Variants in SNX29 observed in about 807,000 individuals in gnomAD.
The protein encoded by SNX29 is sorting nexin 29, also known as sorting nexin-29.
In SNX29, 78 loss-of-function variants were observed where a neutral mutation model predicts 102.1. The ratio of observed to expected loss-of-function variants is 0.76; its 90% CI spans 0.64 to 0.92. The LOEUF (loss-of-function observed/expected upper bound fraction) is 0.92. SNX29 is among the 40% of genes least tolerant of loss of function. SNX29 has a pLI of 0.00. For synonymous variants in SNX29, 580 were observed against 414.5 expected, an observed-to-expected ratio of 1.40 and a Z score of -4.85; for missense variants, 1,280 against 1,061.7, an observed-to-expected ratio of 1.21 and a Z score of -2.86.
chr16:12,345,776 G>A (rs943531387), intron 15 of SNX29, among the ~76,000 whole-genome samples: 6 of 152,104 alleles, frequency 3.9e-5, no homozygotes, highest in Non-Finnish European at 7.3e-5. Context: ...CATCCATGTC[G>A]GTCCTTCTCT....
chr16:12,204,553 TTTAA>T (rs2076998673), intron 14 of SNX29, among the ~76,000 whole-genome samples: 1 of 152,170 alleles, frequency 6.6e-6, no homozygotes, highest in African/African-American at 2.4e-5. Flanking sequence ...GGCATCCCCA[TTTAA>T]TTAATCTGCA....
At chr16:12,566,441 T>C (rs996321376) in intron 20 of SNX29, among the ~76,000 whole-genome samples, 3 of 152,114 alleles carry the variant, frequency 2.0e-5, no homozygotes, top group African/African-American at 7.2e-5. Flanking sequence ...CCCCAAGCTC[T>C]GGTCATTGCA....
At chr16:12,211,551 A>G (rs1236478149) in intron 14 of SNX29, among the ~76,000 whole-genome samples, 3 of 152,070 alleles carry the variant, frequency 2.0e-5, no homozygotes, top group Non-Finnish European at 2.9e-5. Context: ...AAAGTGGACC[A>G]ATAGGGGTGT....
intron 20 of SNX29, among the ~76,000 whole-genome samples, chr16:12,559,906 G>A (rs1369627547): frequency 1.3e-5 from 2 of 152,190 alleles, no homozygotes; most frequent in African/African-American, 4.8e-5. Context: ...ATGAATGCAG[G>A]AGGTGGAGCT....
At position 12,573,219 on chromosome 16, in the gene SNX29, A is replaced by C. The variant is rs10609; in HGVS notation, c.*4590A>C. Reference sequence around the variant, plus strand: ...CGGCTCTAGGCAGACCGGATCCCGCAGTTCATCCCATGGTTGTTGAAATGT... The same window carrying C: ...CGGCTCTAGGCAGACCGGATCCCGCCGTTCATCCCATGGTTGTTGAAATGT... On this transcript the variant is annotated 3_prime_UTR_variant, in exon 21 of 21. Transcript: ENST00000566228. The C allele has an allele frequency of 4.4e-6, 1 of 226,278 alleles. No individual in the cohort carries two copies. Among genetic ancestry groups the C allele is most frequent in the African/African-American group, 2.2e-5 (1 of 44,926 alleles). 14.0% of individuals were successfully genotyped at this position (226,278 alleles called of 1,614,324 possible). A position where few individuals can be genotyped will look rare whatever the true frequency, so the allele number is the denominator to read the frequency against.
At chr16:12,243,817 C>T (rs1023013748) in intron 14 of SNX29, among the ~76,000 whole-genome samples, 2 of 152,196 alleles carry the variant, frequency 1.3e-5, no homozygotes, top group African/African-American at 2.4e-5. Context: ...CCTGGTGCAC[C>T]TGCATCAGAG....
intron 13 of SNX29, among the ~76,000 whole-genome samples, chr16:12,156,288 C>T (rs906575294): frequency 6.6e-6 from 1 of 152,238 alleles, no homozygotes; most frequent in Non-Finnish European, 1.5e-5. Flanking sequence ...ATTCTCCTGC[C>T]TCAGTCTCCT....
At chr16:12,087,940 G>A (rs1471118020) in intron 11 of SNX29, 2 of 456,798 alleles carry the variant, frequency 4.4e-6, no homozygotes, top group Non-Finnish European at 4.4e-6. Flanking sequence ...ATACGCTTTT[G>A]AAGGAGGACC....
chr16:11,980,672 C>G (rs371160303), intron 1 of SNX29, among the ~76,000 whole-genome samples: 2 of 152,168 alleles, frequency 1.3e-5, no homozygotes, highest in South Asian at 2.1e-4. Flanking sequence ...CCCCAAGAGT[C>G]TTTTTAATCA....
At chr16:12,039,306 G>C (rs1245960927) in intron 4 of SNX29, among the ~76,000 whole-genome samples, 16 of 152,106 alleles carry the variant, frequency 1.1e-4, no homozygotes, top group Admixed American at 9.8e-4. Context: ...CTGCACTTTT[G>C]TGTTGATTTT....
intron 11 of SNX29, among the ~76,000 whole-genome samples, chr16:12,114,464 G>T (rs188640042): frequency 6.6e-6 from 1 of 152,122 alleles, no homozygotes; most frequent in African/African-American, 2.4e-5. Context: ...TGAAGCCCTG[G>T]CCTCCTCATT....
At chr16:12,088,257 A>G in intron 11 of SNX29, 1 of 388,986 alleles carries the variant, frequency 2.6e-6, no homozygotes, top group Non-Finnish European at 5.2e-6. Flanking sequence ...CTGCAGCGGG[A>G]CCGGCTCTGC....
At chr16:12,287,754 G>C (rs139734489) in intron 15 of SNX29, among the ~76,000 whole-genome samples, 87 of 152,312 alleles carry the variant, frequency 5.7e-4, no homozygotes, top group African/African-American at 2.0e-3. Flanking sequence ...TCCCCACCTC[G>C]TGATTGGTGA....
chr16:12,498,413 G>C (rs762611458), intron 19 of SNX29, among the ~76,000 whole-genome samples: 5 of 145,406 alleles, frequency 3.4e-5, no homozygotes, highest in Admixed American at 6.8e-5. Flanking sequence ...AAAAAAAAAT[G>C]CTTGCTTGGG....
rs373059770 is a variant in SNX29 at position 12,270,983 on chromosome 16, C to T, written c.1679-6950C>T. ...GCTTGAACTGGGGAGGTGGAGGTTG[C>T]AGTGAGTCAAGATCGCGCCACTGCA... On this transcript the variant is annotated intron_variant, in intron 14 of 20. Coordinates refer to ENST00000566228, the MANE Select transcript of SNX29 (RefSeq NM_032167.5). Among the ~76,000 whole-genome samples, 100 of 152,224 alleles carry T rather than the reference C, an allele frequency of 6.6e-4. 2 individuals are homozygous for T. In the East Asian group the frequency reaches 0.014, roughly 21 times the overall value.
At chr16:12,253,705 G>A (rs1025227733) in intron 14 of SNX29, among the ~76,000 whole-genome samples, 1 of 152,170 alleles carries the variant, frequency 6.6e-6, no homozygotes, top group Admixed American at 6.5e-5. Context: ...CTGGGGCCTG[G>A]TGAGGTTGGT....
intron 11 of SNX29, among the ~76,000 whole-genome samples, chr16:12,088,877 C>T (rs868651017): frequency 5.9e-5 from 9 of 152,200 alleles, no homozygotes; most frequent in Non-Finnish European, 4.4e-5. Context: ...CTCTTGAGGT[C>T]AGGAGTTCGA....
At chr16:12,498,556 A>T (rs1296991995) in intron 19 of SNX29, among the ~76,000 whole-genome samples, 2 of 152,180 alleles carry the variant, frequency 1.3e-5, no homozygotes, top group Non-Finnish European at 2.9e-5. Context: ...AGCACCTACT[A>T]TGTGCCAGCC....
At chr16:12,338,508 C>CA (rs1475270786) in intron 15 of SNX29, among the ~76,000 whole-genome samples, 1 of 152,186 alleles carries the variant, frequency 6.6e-6, no homozygotes, top group Non-Finnish European at 1.5e-5. Flanking sequence ...CAAGGGGTGT[C>CA]ACGTTCTCCT....
Sources: allele counts gnomAD v4.1 joint callset (sites outside exome capture counted in the v4.1 genomes callset), GRCh38; gene constraint gnomAD v4.1.1; transcripts MANE v1.5; gene names NCBI Gene and HGNC (gene_info 2026-07-23, HGNC 2026-07-21).